SYNPO: variants seen among roughly 807,000 people sequenced by gnomAD.
SYNPO encodes synaptopodin.
Under a neutral mutation model 49.5 loss-of-function variants are expected in SYNPO, and 19 were observed. That is an observed-to-expected ratio of 0.38 (90% CI 0.27 to 0.56). SYNPO has a LOEUF of 0.56. Ranked by LOEUF, SYNPO falls within the 20% of genes least tolerant of loss-of-function variation. The pLI, the probability that SYNPO is intolerant of heterozygous loss-of-function variation, is 0.68. For missense variants in SYNPO, 1,131 were observed against 1,248.3 expected (o/e 0.91, Z 1.42); for synonymous variants, 536 against 548.0 (o/e 0.98, Z 0.31).
At chr5:150,650,467 A>G (rs1361240622) in intron 2 of SYNPO, 164 bp downstream of exon 2, 2 of 1,515,072 alleles carry the variant, frequency 1.3e-6, no homozygotes, top group African/African-American at 2.8e-5. Flanking sequence ...AGATGCGGCC[A>G]CCAGCTGGCT....
Position 150,609,715 on chromosome 5 carries a change from C to T in SYNPO, c.-265-8388C>T, listed in dbSNP as rs546983391. Among the ~76,000 whole-genome samples the T allele has an allele frequency of 6.9e-5, 10 of 145,376 alleles. No homozygotes were observed. The East Asian group carries it at 1.6e-3, about 24-fold the overall frequency. ...ATCAGCATAAGTTTACTATAGAAAC[C>T]GAAATCATAGTATCCGTCTCAGTCT... On this transcript the variant is annotated intron_variant, in intron 1 of 2. Transcript: ENST00000394243.
At chr5:150,611,506 A>T (rs1756845697) in intron 1 of SYNPO, among the ~76,000 whole-genome samples, 1 of 152,052 alleles carries the variant, frequency 6.6e-6, no homozygotes, top group Admixed American at 6.5e-5. Flanking sequence ...ACCTCTCACC[A>T]CTACCTCGTG....
chr5:150,657,188 T>C lies in SYNPO; in HGVS notation c.*101T>C. ...TGGCCTCTTTGGGCAGCCCCAGAGA[T>C]GAGGGGTCAGCAGAGGAGAGCTCTG... is the stretch of plus-strand genomic sequence containing the variant. On this transcript the variant is annotated 3_prime_UTR_variant, in exon 3 of 3. Coordinates refer to ENST00000307662, the MANE Select transcript of SYNPO (RefSeq NM_007286.6). 7.7e-7 allele frequency: 1 copy of C among 1,303,038 alleles called. No homozygotes were observed. The highest frequency in any genetic ancestry group is 2.5e-5 in the East Asian group (1 of 39,378). The allele number at this position is 1,303,038 out of a possible 1,614,324, so 80.7% of individuals were successfully genotyped here. A position where few individuals can be genotyped will look rare whatever the true frequency, so the allele number is the denominator to read the frequency against.
intron 1 of SYNPO, among the ~76,000 whole-genome samples, chr5:150,608,216 A>G (rs755929565): frequency 1.4e-4 from 21 of 151,018 alleles, no homozygotes; most frequent in Non-Finnish European, 2.6e-4. Context: ...CACTGATGTC[A>G]CTCTTCTTAA....
intron 1 of SYNPO, among the ~76,000 whole-genome samples, chr5:150,609,348 GC>G (rs1481497495): frequency 1.3e-5 from 2 of 152,190 alleles, no homozygotes; most frequent in Non-Finnish European, 2.9e-5. Context: ...AGGCTGGAGT[GC>G]AATGGCTCTA....
At chr5:150,607,124 AC>A (rs150156304) in intron 1 of SYNPO, among the ~76,000 whole-genome samples, 3,339 of 152,218 alleles carry the variant, frequency 0.022, 117 homozygotes, top group African/African-American at 0.076. Context: ...TGCCAAACTA[AC>A]TTAAATACGT....
chr5:150,619,613 G>A (rs1175954849), intron 2 of SYNPO, among the ~76,000 whole-genome samples: 1 of 152,160 alleles, frequency 6.6e-6, no homozygotes, highest in East Asian at 1.9e-4. Context: ...GGTCCAGATG[G>A]GGAGGACGTG....
At chr5:150,626,061 A>G (rs1054719457) in intron 2 of SYNPO, among the ~76,000 whole-genome samples, 4 of 152,302 alleles carry the variant, frequency 2.6e-5, no homozygotes, top group Admixed American at 6.5e-5. Context: ...TGTCCATTAG[A>G]AAGTGGAAGT....
At chr5:150,642,096 C>G (rs1200819257) in intron 1 of SYNPO, among the ~76,000 whole-genome samples, 1 of 152,376 alleles carries the variant, frequency 6.6e-6, no homozygotes, top group East Asian at 1.9e-4. Context: ...GGACTTATGT[C>G]TGGGAGCTGT....
rs114930893 is a variant in SYNPO, at chr5:150,633,601, C to T, written c.401-14343C>T. ...CACATGGGATGAGAGGATAAGGCCC[C>T]GAGGTGGGGCACCTCATGAGGCTGT... On this transcript the variant is annotated intron_variant, in intron 2 of 2. Transcript: ENST00000394243. Among the ~76,000 whole-genome samples, 1,202 of 152,276 alleles carry T rather than the reference C, an allele frequency of 7.9e-3. 14 individuals are homozygous for T. Among genetic ancestry groups the T allele is most frequent in the African/African-American group, 0.027 (1,126 of 41,546 alleles).
intron 1 of SYNPO, among the ~76,000 whole-genome samples, chr5:150,616,569 C>T (rs1424100599): frequency 2.6e-5 from 4 of 152,338 alleles, no homozygotes; most frequent in South Asian, 2.1e-4. Context: ...TTGTCCCCAG[C>T]CTGGAATTCT....
the SYNPO span, among the ~76,000 whole-genome samples, chr5:150,595,978 G>T: frequency 3.3e-5 from 5 of 152,234 alleles, no homozygotes; most frequent in Non-Finnish European, 7.3e-5. Flanking sequence ...GGGAAAAGAG[G>T]CCCGGGCCAC....
Position 150,652,216 on chromosome 5 carries a change from C to T in SYNPO, c.2028+1913C>T, listed in dbSNP as rs942591198. The stretch of plus-strand genomic sequence containing the variant: ...AAGCCCCTGCCCTGGACCCCTGCTC[C>T]CTTCTACCCTTGAGGGCCACCAATG... On this transcript the variant is annotated intron_variant, in intron 2 of 2. Coordinates refer to ENST00000307662, the MANE Select transcript of SYNPO (RefSeq NM_007286.6). 5.0e-6 allele frequency: 5 copies of T among 1,000,594 alleles called. No individual in the cohort carries two copies. In the African/African-American group the frequency reaches 7.0e-5, roughly 14 times the overall value. The allele number at this position is 1,000,594 out of a possible 1,614,324, so 62.0% of individuals were successfully genotyped here.
upstream of SYNPO, among the ~76,000 whole-genome samples, chr5:150,636,817 G>A (rs1757732328): frequency 6.6e-6 from 1 of 151,868 alleles, no homozygotes; most frequent in East Asian, 1.9e-4. Flanking sequence ...GTTGGGAAGG[G>A]GGATGGGGTT....
chr5:150,590,426 AACTTGGTAGAGC>A, the SYNPO span, among the ~76,000 whole-genome samples: 1 of 152,230 alleles, frequency 6.6e-6, no homozygotes, highest in Admixed American at 6.5e-5. Flanking sequence ...GCCACACAGC[AACTTGGTAGAGC>A]ACTTCAGCTC....
At chr5:150,589,811 T>G in the SYNPO span, among the ~76,000 whole-genome samples, 2 of 152,168 alleles carry the variant, frequency 1.3e-5, no homozygotes, top group African/African-American at 4.8e-5. Flanking sequence ...TTATTCAGAG[T>G]CCCTGTGAGC....
the SYNPO span, among the ~76,000 whole-genome samples, chr5:150,594,831 G>T: frequency 1.3e-5 from 2 of 152,188 alleles, no homozygotes; most frequent in African/African-American, 4.8e-5. Flanking sequence ...GCACAGCAAG[G>T]TAATGGTCGA....
At chr5:150,632,916 T>A (rs1001213289) in intron 2 of SYNPO, among the ~76,000 whole-genome samples, 3 of 152,168 alleles carry the variant, frequency 2.0e-5, no homozygotes, top group African/African-American at 7.2e-5. Context: ...GGTGGTCCAC[T>A]ATGTGCAGAG....
chr5:150,607,428 A>G (rs994975230), intron 1 of SYNPO, among the ~76,000 whole-genome samples: 24 of 151,958 alleles, frequency 1.6e-4, no homozygotes, highest in African/African-American at 5.8e-4. Flanking sequence ...CTTGTTTACC[A>G]CAAGTGACAC....
Sources: allele counts gnomAD v4.1 joint callset (sites outside exome capture counted in the v4.1 genomes callset), GRCh38; gene constraint gnomAD v4.1.1; transcripts MANE v1.5; gene names NCBI Gene and HGNC (gene_info 2026-07-23, HGNC 2026-07-21).